TFRC: variants seen among roughly 807,000 people sequenced by gnomAD.
TFRC encodes transferrin receptor protein 1.
TFRC carries 35 observed loss-of-function variants against 85.8 expected under a neutral mutation model. That is an observed-to-expected ratio of 0.41 (90% CI 0.31 to 0.54). TFRC has a LOEUF of 0.54. TFRC is among the 20% of genes least tolerant of loss of function. The pLI is 0.31. For missense variants in TFRC, 828 were observed against 921.5 expected, an observed-to-expected ratio of 0.90 and a Z score of 1.31; for synonymous variants, 362 against 328.6, an observed-to-expected ratio of 1.10 and a Z score of -1.10.
At position 196,075,839 on chromosome 3, in the gene TFRC, G is replaced by A. The variant is rs115092396; in HGVS notation, c.37-479C>T. ...CATAAGATAGAAGACAGAAAAGAGA[G>A]AATAGACCAGACACAGTGGCTCATG... On this transcript the variant is annotated intron_variant, in intron 2 of 18. Coordinates refer to ENST00000360110, the MANE Select transcript of TFRC (RefSeq NM_001128148.3). Among the ~76,000 whole-genome samples the A allele has an allele frequency of 6.7e-3, 1,013 of 151,966 alleles. 13 individuals are homozygous for A. Among genetic ancestry groups the A allele is most frequent in the African/African-American group, 0.023 (970 of 41,450 alleles).
Position 196,065,462 on chromosome 3 carries a change from A to G in TFRC, c.1179T>C (p.Ile393=). 1 of 1,467,970 alleles carries G rather than the reference A, an allele frequency of 6.8e-7. No individual in the cohort carries two copies. Among genetic ancestry groups the G allele is most frequent in the Non-Finnish European group, 9.3e-7 (1 of 1,077,478 alleles). The allele number at this position is 1,467,970 out of a possible 1,614,324, so 90.9% of individuals were successfully genotyped here. A position where few individuals can be genotyped will look rare whatever the true frequency, so the allele number is the denominator to read the frequency against. The part of the protein sequence containing the change: ...EIKILNIFGV[I]KGFVEPDHYV... ...CTTTACCTGGTTCTACAAAGCCTTTAATAACTCCAAAGATGTTAAGAATTT... is the reference window on the plus strand; with the variant it reads ...CTTTACCTGGTTCTACAAAGCCTTTGATAACTCCAAAGATGTTAAGAATTT... The change falls in exon 10 of 19, where the codon ATT becomes ATC. Residue 393 remains isoleucine (I), a synonymous_variant. Transcript: ENST00000360110.
At chr3:196,058,707 T>C (rs1717028003) in intron 14 of TFRC, 75 bp from the exon 15 acceptor site, 3 of 970,496 alleles carry the variant, frequency 3.1e-6, no homozygotes, top group Non-Finnish European at 4.6e-6. Context: ...AACATGTTAC[T>C]CTATAACAAT....
At position 196,074,047 on chromosome 3, in the gene TFRC, G is replaced by A; in HGVS notation, c.317C>T (p.Ser106Phe). 6.2e-7 allele frequency: 1 copy of A among 1,614,110 alleles called. No homozygotes were observed. Among genetic ancestry groups the A allele is most frequent in the Non-Finnish European group, 8.5e-7 (1 of 1,180,018 alleles). ...TECERLAGTE[S>F]PVREEPGEDF... ...CTCTCCTGGCTCCTCCCTCACTGGAGACTCGGTTCCTGCCAGTCTCTCACA... is the reference window on the plus strand; with the variant it reads ...CTCTCCTGGCTCCTCCCTCACTGGAAACTCGGTTCCTGCCAGTCTCTCACA... Residue 106 changes from serine to phenylalanine, a missense_variant, in exon 4 of 19, where the codon TCT becomes TTT. By Grantham distance (155) the Ser-to-Phe change is radical. Transcript: ENST00000360110.
rs56119775 is a variant in TFRC, at chr3:196,075,046, C to CAAAAAAAAAA, written c.238+103_238+112dup. ...AGGCAAGAGAGTAAGCCTCTGTCTC[C>CAAAAAAAAAA]AAAAAAAAAAAAAAAAAAAATAAGG... On this transcript the variant is annotated intron_variant, in intron 3 of 18. Transcript: ENST00000360110. The CAAAAAAAAAA allele has an allele frequency of 4.9e-5, 26 of 535,680 alleles. No individual in the cohort carries two copies. In the African/African-American group the frequency reaches 7.2e-4, roughly 15 times the overall value. 33.2% of individuals were successfully genotyped at this position (535,680 alleles called of 1,614,324 possible).
At chr3:196,070,428 C>T (rs1718094440) in intron 6 of TFRC, among the ~76,000 whole-genome samples, 1 of 152,114 alleles carries the variant, frequency 6.6e-6, no homozygotes, top group Non-Finnish European at 1.5e-5. Flanking sequence ...CCACGCCTGG[C>T]TAATTTTTGT....
intron 13 of TFRC, among the ~76,000 whole-genome samples, chr3:196,060,825 A>AT (rs1717218342): frequency 1.4e-5 from 2 of 141,054 alleles, no homozygotes; most frequent in Non-Finnish European, 3.1e-5. Context: ...AAAAAAAAAA[A>AT]ATCAGACCAG....
At chr3:196,065,412 C>CGGGGTG in intron 10 of TFRC, 31 bp downstream of exon 10, 2 of 937,014 alleles carry the variant, frequency 2.1e-6, no homozygotes, top group Non-Finnish European at 1.4e-6. Flanking sequence ...AAAAAAAAAG[C>CGGGGTG]GGGGCGGGGG....
At position 196,063,617 on chromosome 3, in the gene TFRC, T is replaced by C. The variant is rs867612477; in HGVS notation, c.1319-678A>G. ...GGTAGGAGTGTGAAAGAGTGGAAAG[T>C]AGGACAGAAAGGCTCAAAAATAAAC... On this transcript the variant is annotated intron_variant, in intron 11 of 18. Transcript: ENST00000360110. Among the ~76,000 whole-genome samples, 4 of 152,142 alleles carry C rather than the reference T, an allele frequency of 2.6e-5. No homozygotes were observed. The South Asian group carries it at 8.3e-4, about 32-fold the overall frequency.
At chr3:196,052,294 T>A in intron 18 of TFRC, 110 bp from the exon 19 acceptor site, 63 of 145,400 alleles carry the variant, frequency 4.3e-4, no homozygotes, top group South Asian at 6.2e-4. Context: ...CGATCAGACT[T>A]TTTTTTTTTT....
intron 5 of TFRC, 78 bp from the exon 6 acceptor site, chr3:196,071,576 G>A: frequency 7.3e-7 from 1 of 1,372,954 alleles, no homozygotes; most frequent in East Asian, 2.3e-5. Context: ...AGTATGTCTT[G>A]CATTATTTGG....
At chr3:196,069,397 A>C in intron 7 of TFRC, 58 bp downstream of exon 7, 1 of 965,858 alleles carries the variant, frequency 1.0e-6, no homozygotes, top group Non-Finnish European at 1.6e-6. Context: ...AATATCACTT[A>C]CCTGAAGAGT....
chr3:196,060,469 T>G (rs1053334911), intron 13 of TFRC: 1 of 509,038 alleles, frequency 2.0e-6, no homozygotes. Flanking sequence ...TCCTTGAGTT[T>G]GCATACTTTA....
At position 196,074,623 on chromosome 3, in the gene TFRC, G is replaced by A. The variant is rs138995457; in HGVS notation, c.239-498C>T. Reference sequence around the variant, plus strand: ...GTGGACGGGAAAGTGGCTCATGCCTGTAATCCCAGCACTCTGGGAGGCTGA... The same window carrying A: ...GTGGACGGGAAAGTGGCTCATGCCTATAATCCCAGCACTCTGGGAGGCTGA... On this transcript the variant is annotated intron_variant, in intron 3 of 18. Transcript: ENST00000360110. 2.4e-4 allele frequency among the ~76,000 whole-genome samples: 36 copies of A among 152,316 alleles called. 1 individual carries two copies. The East Asian group carries it at 6.9e-3, about 29-fold the overall frequency.
chr3:196,079,078 G>A (rs1718948804), intron 1 of TFRC, among the ~76,000 whole-genome samples: 1 of 152,090 alleles, frequency 6.6e-6, no homozygotes, highest in Non-Finnish European at 1.5e-5. Context: ...CAAGGAAATC[G>A]AAGGCGTGAG....
chr3:196,081,947 T>A (rs1268617912), intron 1 of TFRC, 96 bp downstream of exon 1: 1 of 152,400 alleles, frequency 6.6e-6, no homozygotes, highest in Non-Finnish European at 1.5e-5. Flanking sequence ...CGGCTCCCTA[T>A]GGCTGCTGGA....
At chr3:196,061,788 C>T (rs1462631898) in intron 13 of TFRC, among the ~76,000 whole-genome samples, 1 of 152,042 alleles carries the variant, frequency 6.6e-6, no homozygotes, top group African/African-American at 2.4e-5. Flanking sequence ...TGCGCCCAGC[C>T]CAAAAAGCCC....
chr3:196,063,061 T>C (rs41297455), intron 11 of TFRC, 122 bp from the exon 12 acceptor site: 41 of 662,090 alleles, frequency 6.2e-5, no homozygotes, highest in Non-Finnish European at 7.9e-5. Flanking sequence ...AAAATCTTTT[T>C]TTTCTGAGCC....
chr3:196,074,030 G>C lies in TFRC; in HGVS notation c.334C>G (p.Pro112Ala). 1 of 1,614,052 alleles carries C rather than the reference G, an allele frequency of 6.2e-7. No homozygotes were observed. Among genetic ancestry groups the C allele is most frequent in the African/African-American group, 1.3e-5 (1 of 74,990 alleles). ...AGTESPVREE[P>A]GEDFPAARRL... ...CGTGCTGCAGGGAAGTCCTCTCCTG[G>C]CTCCTCCCTCACTGGAGACTCGGTT... is the stretch of plus-strand genomic sequence containing the variant. The change falls in exon 4 of 19, where the codon CCA (proline) becomes GCA (alanine). Residue 112 changes from proline to alanine, a missense_variant. Transcript: ENST00000360110.
rs1391777753 is a variant in TFRC, at chr3:196,072,045, A to G, written c.542T>C (p.Val181Ala). 14 of 1,614,062 alleles carry G rather than the reference A, an allele frequency of 8.7e-6. No individual in the cohort carries two copies. The Admixed American group carries it at 2.2e-4, about 25-fold the overall frequency. The change falls in exon 5 of 19, where the codon GTC becomes GCC. Residue 181 changes from valine (V) to alanine (A), a missense_variant. Physicochemically the swap from Val to Ala is moderately conservative, Grantham distance 64 (BLOSUM62 0). Coordinates refer to ENST00000360110, the MANE Select transcript of TFRC (RefSeq NM_001128148.3). ...CTTAACAAAATGTTGATCACGCCAGACTTTGCTGAGTTTAAATTCACGAAA... is the reference window on the plus strand; with the variant it reads ...CTTAACAAAATGTTGATCACGCCAGGCTTTGCTGAGTTTAAATTCACGAAA... Reference protein sequence around the residue: ...NQFREFKLSKVWRDQHFVKIQ... With the variant: ...NQFREFKLSKAWRDQHFVKIQ...
Sources: gnomAD v4.1 joint callset for allele counts (sites outside exome capture counted in the v4.1 genomes callset) on GRCh38, gnomAD v4.1.1 for gene constraint, MANE v1.5 for transcripts, NCBI Gene and HGNC (gene_info 2026-07-23, HGNC 2026-07-21) for gene names.